EPB41L4A: variants seen among roughly 807,000 people sequenced by gnomAD.
EPB41L4A encodes erythrocyte membrane protein band 4.1 like 4A, also known as band 4.1-like protein 4A.
A neutral mutation model predicts 108.6 loss-of-function variants in EPB41L4A; 100 were observed. The ratio of observed to expected loss-of-function variants is 0.92; its 90% confidence interval spans 0.78 to 1.09. EPB41L4A has a LOEUF of 1.09. Ranked by LOEUF, EPB41L4A falls within the 50% of genes least tolerant of loss-of-function variation. EPB41L4A has a pLI of 0.00. For synonymous variants in EPB41L4A, 319 were observed against 289.0 expected (o/e 1.10, Z -1.05); for missense variants, 1,030 against 842.7 (o/e 1.22, Z -2.75).
rs1306724263 is a variant in EPB41L4A, at chr5:112,163,794, A to G, written c.*1196T>C. ...GATAGTTTTGTTTAATCTTAGTCTT[A>G]AATTTAAAACCAAGTAGCAAGGATC... On this transcript the variant is annotated 3_prime_UTR_variant, in exon 23 of 23. Transcript: ENST00000261486. 6.6e-6 allele frequency: 1 copy of G among 152,152 alleles called. No individual in the cohort carries two copies. Among genetic ancestry groups the G allele is most frequent in the African/African-American group, 2.4e-5 (1 of 41,432 alleles). The allele number at this position is 152,152 out of a possible 1,614,324, so 9.4% of individuals were successfully genotyped here. A position where few individuals can be genotyped will look rare whatever the true frequency, so the allele number is the denominator to read the frequency against.
intron 12 of EPB41L4A, among the ~76,000 whole-genome samples, chr5:112,231,060 TATAA>T (rs1465965299): frequency 6.6e-6 from 1 of 152,256 alleles, no homozygotes. Flanking sequence ...GTTTAAAATA[TATAA>T]ATAGTCATGA....
chr5:112,295,901 G>A (rs1160145682), intron 2 of EPB41L4A, among the ~76,000 whole-genome samples: 2 of 152,156 alleles, frequency 1.3e-5, no homozygotes, highest in South Asian at 2.1e-4. Context: ...CAAAGTCTTG[G>A]TAAGTGAAAG....
chr5:112,221,782 A>C (rs1003449407), intron 12 of EPB41L4A, among the ~76,000 whole-genome samples: 2 of 152,224 alleles, frequency 1.3e-5, no homozygotes, highest in Admixed American at 1.3e-4. Flanking sequence ...TGTGATTTTA[A>C]CTTGAATATA....
intron 1 of EPB41L4A, among the ~76,000 whole-genome samples, chr5:112,351,101 C>T (rs372969010): frequency 4.6e-5 from 7 of 151,858 alleles, no homozygotes; most frequent in African/African-American, 1.7e-4. Flanking sequence ...CAAACGAAAC[C>T]CAAAATGAGT....
At chr5:112,295,403 T>A in intron 2 of EPB41L4A, among the ~76,000 whole-genome samples, 1 of 152,274 alleles carries the variant, frequency 6.6e-6, no homozygotes, top group South Asian at 2.1e-4. Flanking sequence ...TTTTAAGAAC[T>A]CAATTCCCAG....
At chr5:112,175,869 A>C (rs1760835033) in intron 18 of EPB41L4A, among the ~76,000 whole-genome samples, 4 of 151,948 alleles carry the variant, frequency 2.6e-5, no homozygotes. Flanking sequence ...GGCCTCAAGC[A>C]ATCATCCCTC....
At chr5:112,392,437 A>T (rs1376666334) in intron 1 of EPB41L4A, among the ~76,000 whole-genome samples, 1 of 150,986 alleles carries the variant, frequency 6.6e-6, no homozygotes, top group African/African-American at 2.4e-5. Flanking sequence ...AGGGGTTGCA[A>T]TCCTAGTCTC....
At chr5:112,405,407 A>C (rs572737741) in intron 1 of EPB41L4A, among the ~76,000 whole-genome samples, 1 of 152,330 alleles carries the variant, frequency 6.6e-6, no homozygotes, top group East Asian at 1.9e-4. Flanking sequence ...TGTTGATGAT[A>C]AATACTGGTT....
chr5:112,276,908 T>C (rs1310731971), intron 3 of EPB41L4A, among the ~76,000 whole-genome samples: 4 of 152,232 alleles, frequency 2.6e-5, no homozygotes, highest in Non-Finnish European at 4.4e-5. Context: ...ACACTCCTTA[T>C]GCTACAGCTT....
At chr5:112,316,078 T>C (rs1035503515) in intron 1 of EPB41L4A, among the ~76,000 whole-genome samples, 1 of 152,224 alleles carries the variant, frequency 6.6e-6, no homozygotes, top group African/African-American at 2.4e-5. Flanking sequence ...AAAAGGCTTA[T>C]AATCGTAGAG....
chr5:112,409,856 G>C (rs1362069554), intron 1 of EPB41L4A, among the ~76,000 whole-genome samples: 1 of 152,126 alleles, frequency 6.6e-6, no homozygotes, highest in Non-Finnish European at 1.5e-5. Context: ...AACTCAAAGA[G>C]GGTAAGTGAT....
intron 9 of EPB41L4A, chr5:112,249,251 A>G (rs191850654): frequency 6.6e-6 from 1 of 152,264 alleles, no homozygotes; most frequent in East Asian, 1.9e-4. Context: ...TTTCTATCCA[A>G]TCCACACAAG....
intron 1 of EPB41L4A, among the ~76,000 whole-genome samples, chr5:112,381,372 C>T (rs1309936634): frequency 6.6e-6 from 1 of 152,168 alleles, no homozygotes; most frequent in Admixed American, 6.5e-5. Flanking sequence ...TTATCTTTAA[C>T]CCTTTCTACC....
chr5:112,395,405 A>T (rs961260792), intron 1 of EPB41L4A, among the ~76,000 whole-genome samples: 36 of 152,312 alleles, frequency 2.4e-4, no homozygotes, highest in Non-Finnish European at 5.0e-4. Flanking sequence ...TAGAAGAAAA[A>T]ACAAACAACC....
At chr5:112,312,473 T>C (rs1755113081) in intron 1 of EPB41L4A, among the ~76,000 whole-genome samples, 1 of 152,168 alleles carries the variant, frequency 6.6e-6, no homozygotes, top group Non-Finnish European at 1.5e-5. Flanking sequence ...CATCTCGTGA[T>C]TCCCTCTATA....
intron 1 of EPB41L4A, among the ~76,000 whole-genome samples, chr5:112,351,316 A>T (rs939322372): frequency 2.0e-5 from 3 of 152,192 alleles, no homozygotes; most frequent in African/African-American, 4.8e-5. Context: ...AAATACAAAG[A>T]TCATCAGAGA....
At chr5:112,258,686 C>T (rs1751283251) in intron 9 of EPB41L4A, among the ~76,000 whole-genome samples, 1 of 152,172 alleles carries the variant, frequency 6.6e-6, no homozygotes, top group African/African-American at 2.4e-5. Context: ...AAGTTCTGTG[C>T]CCATTACCCA....
intron 2 of EPB41L4A, among the ~76,000 whole-genome samples, chr5:112,297,559 A>G (rs930449704): frequency 2.0e-5 from 3 of 152,118 alleles, no homozygotes; most frequent in Non-Finnish European, 4.4e-5. Flanking sequence ...TAGATTGTGA[A>G]GATCTTCTCC....
chr5:112,258,940 A>G (rs1171385860), intron 9 of EPB41L4A, among the ~76,000 whole-genome samples: 1 of 152,200 alleles, frequency 6.6e-6, no homozygotes, highest in Admixed American at 6.5e-5. Context: ...CACAGAGAGT[A>G]CTGGAAAGCA....
Sources: allele counts gnomAD v4.1 joint callset (sites outside exome capture counted in the v4.1 genomes callset), GRCh38; gene constraint gnomAD v4.1.1; transcripts MANE v1.5; gene names NCBI Gene and HGNC (gene_info 2026-07-23, HGNC 2026-07-21).